TMBIM1: variants seen among roughly 807,000 people sequenced by gnomAD.
TMBIM1 encodes transmembrane BAX inhibitor motif containing 1.
A neutral mutation model predicts 45.1 loss-of-function variants in TMBIM1; 34 were observed. The observed-to-expected ratio is 0.75, with a 90% CI of 0.57 to 1.00. The LOEUF is 1.00. Among genes scored for constraint, TMBIM1 ranks in the 50% least tolerant of loss-of-function variants. The probability of loss-of-function intolerance (pLI) is 0.00; values close to 1 mark genes in which losing one functional copy is unlikely to be tolerated. For missense variants in TMBIM1, 374 were observed against 402.4 expected, an observed-to-expected ratio of 0.93 and a Z score of 0.60; for synonymous variants, 157 against 153.5, an observed-to-expected ratio of 1.02 and a Z score of -0.17.
chr2:218,280,805 C>CTTT lies in TMBIM1; in HGVS notation c.203-682_203-680dup, dbSNP rs950294415. On this transcript the variant is annotated intron_variant, in intron 2 of 11. Transcript: ENST00000258412. ...CTGCACTCTAACTTCACCTCATTTCCTTTTTTTTTTTTTTTTTTTTTTTGA... is the reference window on the plus strand; with the variant it reads ...CTGCACTCTAACTTCACCTCATTTCCTTTTTTTTTTTTTTTTTTTTTTTTTTGA... 3.7e-3 allele frequency: 388 copies of CTTT among 104,044 alleles called. 4 individuals carry two copies. The highest frequency in any genetic ancestry group is 0.011 in the African/African-American group (241 of 22,268). 6.4% of individuals were successfully genotyped at this position (104,044 alleles called of 1,614,324 possible). A position where few individuals can be genotyped will look rare whatever the true frequency, so the allele number is the denominator to read the frequency against.
chr2:218,288,454 G>A (rs552446407), intron 1 of TMBIM1, among the ~76,000 whole-genome samples: 2 of 152,126 alleles, frequency 1.3e-5, no homozygotes, highest in East Asian at 3.9e-4. Context: ...AAAATAACTA[G>A]GGAAGGAAGG....
chr2:218,291,203 G>C (rs1692905707), intron 1 of TMBIM1, among the ~76,000 whole-genome samples: 1 of 152,172 alleles, frequency 6.6e-6, no homozygotes, highest in Non-Finnish European at 1.5e-5. Flanking sequence ...TTTTACAAGT[G>C]AGGCCTTGAG....
intron 11 of TMBIM1, 33 bp from the exon 12 acceptor site, chr2:218,275,654 C>G: frequency 6.3e-7 from 1 of 1,596,876 alleles, no homozygotes; most frequent in Non-Finnish European, 8.5e-7. Flanking sequence ...AGTGAGAACT[C>G]AGGCATCAGT....
At chr2:218,281,879 C>T in intron 2 of TMBIM1, 61 bp downstream of exon 2, 1 of 1,347,308 alleles carries the variant, frequency 7.4e-7, no homozygotes, top group East Asian at 2.6e-5. Flanking sequence ...GAGGCGGTGG[C>T]CTCATCTGCT....
In TMBIM1 at chr2:218,280,077, G is replaced by A. The variant is rs371918562; in HGVS notation, c.252C>T (p.Phe84=). The A allele has an allele frequency of 9.3e-6, 15 of 1,614,108 alleles. No homozygotes were observed. Among genetic ancestry groups the A allele is most frequent in the South Asian group, 3.3e-5 (3 of 91,086 alleles). The change falls in exon 3 of 12, where the codon TTC becomes TTT. Residue 84 remains phenylalanine (F), a synonymous_variant. Coordinates refer to ENST00000258412, the MANE Select transcript of TMBIM1 (RefSeq NM_022152.6). Reference sequence around the variant, plus strand: ...TCCGGTCATCCCACTCTCCAGGCCCGAAGCTATCACTCACTGCTCTCTCCT... The same window carrying A: ...TCCGGTCATCCCACTCTCCAGGCCCAAAGCTATCACTCACTGCTCTCTCCT... ...DGEERAVSDS[F]GPGEWDDRKV...
At chr2:218,289,811 G>A (rs1469823064) in intron 1 of TMBIM1, among the ~76,000 whole-genome samples, 1 of 152,022 alleles carries the variant, frequency 6.6e-6, no homozygotes, top group Non-Finnish European at 1.5e-5. Context: ...TACATGGCAT[G>A]TTCTCAGTAT....
In TMBIM1 at chr2:218,281,982, G is replaced by A; in HGVS notation, c.160C>T (p.Pro54Ser). ...QPGYGHPAGYPQPMPPTHPMP... is the reference protein window; with the variant it reads ...QPGYGHPAGYSQPMPPTHPMP... ...GGGTGGGTGGGGGGCATGGGCTGTG[G>A]GTAGCCAGCAGGGTGACCGTAGCCA... Residue 54 changes from proline to serine, a missense_variant, in exon 2 of 12, where the codon CCA becomes TCA. Transcript: ENST00000258412. 5 of 1,606,360 alleles carry A rather than the reference G, an allele frequency of 3.1e-6. No homozygotes were observed. Among genetic ancestry groups the A allele is most frequent in the Non-Finnish European group, 4.2e-6 (5 of 1,177,524 alleles).
intron 1 of TMBIM1, among the ~76,000 whole-genome samples, chr2:218,287,518 G>C (rs1692617849): frequency 6.6e-6 from 1 of 152,096 alleles, no homozygotes; most frequent in Non-Finnish European, 1.5e-5. Flanking sequence ...GACCATCGTG[G>C]CCAACATGGT....
At chr2:218,279,512 G>C (rs1299045610) in intron 3 of TMBIM1, 159 bp from the exon 4 acceptor site, 8 of 577,854 alleles carry the variant, frequency 1.4e-5, no homozygotes, top group Non-Finnish European at 2.4e-5. Context: ...GAGGCAATGT[G>C]CACTTCTTCC....
intron 1 of TMBIM1, among the ~76,000 whole-genome samples, chr2:218,291,085 A>T (rs929033124): frequency 6.6e-6 from 1 of 152,174 alleles, no homozygotes; most frequent in Non-Finnish European, 1.5e-5. Flanking sequence ...TGAGGCACCC[A>T]TTCCCAGGGG....
At chr2:218,289,162 T>C (rs909200770) in intron 1 of TMBIM1, among the ~76,000 whole-genome samples, 1 of 152,194 alleles carries the variant, frequency 6.6e-6, no homozygotes, top group Non-Finnish European at 1.5e-5. Context: ...AAACGATAGA[T>C]AGAAAGGAGC....
At chr2:218,286,760 C>G (rs1692546120) in intron 1 of TMBIM1, 1 of 152,236 alleles carries the variant, frequency 6.6e-6, no homozygotes, top group Non-Finnish European at 1.5e-5. Flanking sequence ...GGGGTTACAG[C>G]AAGAGGAGAG....
chr2:218,287,963 T>A (rs1692652118), intron 1 of TMBIM1, among the ~76,000 whole-genome samples: 1 of 152,222 alleles, frequency 6.6e-6, no homozygotes, highest in African/African-American at 2.4e-5. Context: ...CAGGATGGCC[T>A]GGGAGTACAG....
intron 6 of TMBIM1, 156 bp from the exon 7 acceptor site, chr2:218,278,130 TG>T: frequency 1.3e-6 from 1 of 780,002 alleles, no homozygotes; most frequent in Non-Finnish European, 2.1e-6. Context: ...TGTTCAGGTG[TG>T]GTACGCAGGG....
At chr2:218,281,135 T>TTTTTGTTTTGGTTTG (rs796297146) in intron 2 of TMBIM1, 1 of 130,722 alleles carries the variant, frequency 7.6e-6, no homozygotes, top group African/African-American at 2.6e-5. Flanking sequence ...TTTTGTTTTT[T>TTTTTGTTTTGGTTTG]TTTTGGTTTT....
chr2:218,282,217 C>T (rs1692095437), intron 1 of TMBIM1, 36 bp from the exon 2 acceptor site: 2 of 1,240,122 alleles, frequency 1.6e-6, no homozygotes, highest in East Asian at 5.9e-5. Context: ...TCGTGAATGC[C>T]CAGGCCCAGC....
intron 8 of TMBIM1, 67 bp downstream of exon 8, chr2:218,277,566 G>A (rs753584109): frequency 2.0e-5 from 32 of 1,610,276 alleles, no homozygotes; most frequent in South Asian, 5.5e-5. Flanking sequence ...GCTGGCTGCC[G>A]GCCCAGGAAC....
At chr2:218,285,003 T>A (rs549344978) in intron 1 of TMBIM1, among the ~76,000 whole-genome samples, 49 of 152,168 alleles carry the variant, frequency 3.2e-4, no homozygotes, top group Admixed American at 4.6e-4. Flanking sequence ...GGCAGGAGAA[T>A]CGATTCAACC....
intron 1 of TMBIM1, among the ~76,000 whole-genome samples, chr2:218,289,127 GGTGGGGCCA>G (rs1193032467): frequency 1.3e-5 from 2 of 152,242 alleles, no homozygotes; most frequent in Non-Finnish European, 2.9e-5. Context: ...GCAGCACCAG[GGTGGGGCCA>G]AGGCAGTAAA....
Sources: allele counts gnomAD v4.1 joint callset (sites outside exome capture counted in the v4.1 genomes callset), GRCh38; gene constraint gnomAD v4.1.1; transcripts MANE v1.5; gene names NCBI Gene and HGNC (gene_info 2026-07-23, HGNC 2026-07-21).